The following MAGI2 variants were observed in gnomAD, a reference collection of about 807,000 sequenced individuals.
MAGI2 encodes the protein membrane-associated guanylate kinase, WW and PDZ domain-containing protein 2.
MAGI2 carries 35 observed loss-of-function variants against 133.3 expected under a neutral mutation model. The observed-to-expected ratio is 0.26, with a 90% CI of 0.20 to 0.35. The LOEUF (loss-of-function observed/expected upper bound fraction) is 0.35. MAGI2 is among the 10% of genes least tolerant of loss of function. The probability of loss-of-function intolerance (pLI) is 1.00; values close to 1 mark genes in which losing one functional copy is unlikely to be tolerated. For synonymous variants in MAGI2, 729 were observed against 710.6 expected (o/e 1.03, Z -0.41); for missense variants, 1,636 against 1,863.4 (o/e 0.88, Z 2.25).
chr7:79,173,395 A>T (rs997583069), intron 1 of MAGI2, among the ~76,000 whole-genome samples: 4 of 152,004 alleles, frequency 2.6e-5, no homozygotes, highest in African/African-American at 9.7e-5. Flanking sequence ...GCACGATCAT[A>T]ACTCACTGCA....
chr7:78,158,529 G>A (rs1824627066), intron 16 of MAGI2, among the ~76,000 whole-genome samples: 1 of 152,162 alleles, frequency 6.6e-6, no homozygotes, highest in Admixed American at 6.5e-5. Flanking sequence ...ACCCAGGGGA[G>A]GGTGAAACTG....
At chr7:78,191,854 C>T (rs1312532119) in intron 12 of MAGI2, among the ~76,000 whole-genome samples, 1 of 152,106 alleles carries the variant, frequency 6.6e-6, no homozygotes, top group Non-Finnish European at 1.5e-5. Context: ...TTAAGATGTC[C>T]TGTGCATGCA....
At chr7:78,226,281 T>C (rs1282286347) in intron 10 of MAGI2, among the ~76,000 whole-genome samples, 1 of 148,522 alleles carries the variant, frequency 6.7e-6, no homozygotes. Flanking sequence ...GCAGTTTAAC[T>C]GAATGTCAGA....
At chr7:78,116,198 C>T (rs1429219790) in intron 20 of MAGI2, among the ~76,000 whole-genome samples, 1 of 151,980 alleles carries the variant, frequency 6.6e-6, no homozygotes, top group Non-Finnish European at 1.5e-5. Flanking sequence ...AACAAAAACA[C>T]CTTCTAAATA....
rs529756634 is a variant in MAGI2 at position 79,330,402 on chromosome 7, A to G, written c.301+122618T>C. Among the ~76,000 whole-genome samples, 7 of 151,578 alleles carry G rather than the reference A, an allele frequency of 4.6e-5. No individual in the cohort carries two copies. The South Asian group carries it at 8.3e-4, about 18-fold the overall frequency. ...AGTAGAGACGAGATTTCATCGTTTT[A>G]GCCAGGATGGTCTTGATCTCCTGAC... On this transcript the variant is annotated intron_variant, in intron 1 of 21. Transcript: ENST00000354212.
intron 6 of MAGI2, among the ~76,000 whole-genome samples, chr7:78,461,893 A>C (rs1291513071): frequency 6.8e-6 from 1 of 147,656 alleles, no homozygotes; most frequent in Non-Finnish European, 1.5e-5. Context: ...CCGGGGCAAC[A>C]AGAGCAAAGC....
rs932952799 is a variant in MAGI2, at chr7:78,135,286, T to G, written c.2846-80A>C. 6.4e-5 allele frequency: 74 copies of G among 1,152,578 alleles called. 1 individual carries two copies. In the South Asian group the frequency reaches 9.5e-4, roughly 15 times the overall value. 71.4% of individuals were successfully genotyped at this position (1,152,578 alleles called of 1,614,324 possible). On this transcript the variant is annotated intron_variant, in intron 16 of 21. Coordinates refer to ENST00000354212, the MANE Select transcript of MAGI2 (RefSeq NM_012301.4). ...TCAGTCCCAGCCCCAAAGGAAACAA[T>G]GAAATGTCAGAATTCCTTCCTTCGT...
intron 9 of MAGI2, among the ~76,000 whole-genome samples, chr7:78,339,406 C>A (rs1790119390): frequency 6.6e-6 from 1 of 152,134 alleles, no homozygotes; most frequent in Non-Finnish European, 1.5e-5. Flanking sequence ...GTGGGTGTGG[C>A]AAACTAGCAA....
At chr7:78,933,537 A>G (rs1379811140) in intron 2 of MAGI2, among the ~76,000 whole-genome samples, 1 of 152,190 alleles carries the variant, frequency 6.6e-6, no homozygotes. Context: ...TTTAGAATTC[A>G]TCATAAGCTG....
chr7:78,770,978 G>A (rs1825530125), intron 2 of MAGI2: 1 of 152,154 alleles, frequency 6.6e-6, no homozygotes, highest in Non-Finnish European at 1.5e-5. Flanking sequence ...TAATTTTCTT[G>A]ATAGAAGTAG....
chr7:78,701,116 T>C (rs1425593498), intron 2 of MAGI2, among the ~76,000 whole-genome samples: 1 of 151,784 alleles, frequency 6.6e-6, no homozygotes, highest in Non-Finnish European at 1.5e-5. Context: ...GTTTTTCCAT[T>C]ATAAAAATTT....
chr7:78,959,759 G>A (rs1041617920), intron 2 of MAGI2, among the ~76,000 whole-genome samples: 1 of 152,032 alleles, frequency 6.6e-6, no homozygotes, highest in African/African-American at 2.4e-5. Context: ...AAATTGTTAT[G>A]GCTATTTCTA....
intron 14 of MAGI2, among the ~76,000 whole-genome samples, chr7:78,169,894 T>C (rs1825959070): frequency 6.6e-6 from 1 of 152,220 alleles, no homozygotes; most frequent in Admixed American, 6.5e-5. Flanking sequence ...AACCTGAATT[T>C]ATGAGTTTCT....
At chr7:79,289,687 G>T (rs1276879747) in intron 1 of MAGI2, among the ~76,000 whole-genome samples, 1 of 152,048 alleles carries the variant, frequency 6.6e-6, no homozygotes, top group Non-Finnish European at 1.5e-5. Context: ...CTAGGGCAGG[G>T]AGCTCATCCA....
chr7:78,398,340 T>C (rs1796549712), intron 6 of MAGI2, among the ~76,000 whole-genome samples: 1 of 152,138 alleles, frequency 6.6e-6, no homozygotes, highest in Non-Finnish European at 1.5e-5. Flanking sequence ...ACCTCTCAAC[T>C]TGACTTGACT....
At chr7:78,562,733 C>A (rs1800537456) in intron 3 of MAGI2, among the ~76,000 whole-genome samples, 1 of 152,058 alleles carries the variant, frequency 6.6e-6, no homozygotes. Flanking sequence ...ATGTCCTGGG[C>A]AATAATTGGA....
chr7:78,569,666 GATT>G (rs1321464306), intron 3 of MAGI2, among the ~76,000 whole-genome samples: 4 of 152,004 alleles, frequency 2.6e-5, no homozygotes, highest in African/African-American at 7.2e-5. Context: ...TTATTCAAAC[GATT>G]ATTTTTGTGC....
At chr7:79,299,767 G>C (rs551385561) in intron 1 of MAGI2, among the ~76,000 whole-genome samples, 3 of 152,228 alleles carry the variant, frequency 2.0e-5, no homozygotes, top group African/African-American at 7.2e-5. Flanking sequence ...TGCTAGAGGA[G>C]GGGCCTAGTG....
intron 6 of MAGI2, among the ~76,000 whole-genome samples, chr7:78,444,890 T>C (rs1391645479): frequency 6.9e-6 from 1 of 145,892 alleles, no homozygotes; most frequent in Non-Finnish European, 1.5e-5. Flanking sequence ...TATGTATACA[T>C]ATGTGTGTAT....
Sources: gnomAD v4.1 joint callset for allele counts (sites outside exome capture counted in the v4.1 genomes callset) on GRCh38, gnomAD v4.1.1 for gene constraint, MANE v1.5 for transcripts, NCBI Gene and HGNC (gene_info 2026-07-23, HGNC 2026-07-21) for gene names.